Variants in PBX3 observed in about 807,000 individuals in gnomAD.
PBX3 encodes the protein pre-B-cell leukemia transcription factor 3.
A neutral mutation model predicts 48.5 loss-of-function variants in PBX3; 14 were observed. The ratio of observed to expected loss-of-function variants is 0.29; its 90% CI spans 0.19 to 0.45. The LOEUF (loss-of-function observed/expected upper bound fraction) is 0.45, where lower values mean the gene tolerates loss of function less well. Among genes scored for constraint, PBX3 ranks in the 20% least tolerant of loss-of-function variants. The pLI, the probability that PBX3 is intolerant of heterozygous loss-of-function variation, is 1.00. For synonymous variants in PBX3, 210 were observed against 200.3 expected, an observed-to-expected ratio of 1.05 and a Z score of -0.41; for missense variants, 386 against 546.7, an observed-to-expected ratio of 0.71 and a Z score of 2.93.
At chr9:125,843,836 C>A (rs1839353322) in intron 2 of PBX3, 1 of 455,534 alleles carries the variant, frequency 2.2e-6, no homozygotes. Flanking sequence ...AGCGAAAGTG[C>A]AGGCCTGCTG....
At chr9:125,810,663 G>C (rs1838263999) in intron 2 of PBX3, among the ~76,000 whole-genome samples, 1 of 152,086 alleles carries the variant, frequency 6.6e-6, no homozygotes, top group Admixed American at 6.6e-5. Context: ...TCTTACCATT[G>C]ATTCTATATC....
chr9:125,853,836 TTAAAA>T (rs1400849616), intron 2 of PBX3, among the ~76,000 whole-genome samples: 2 of 152,168 alleles, frequency 1.3e-5, no homozygotes, highest in Non-Finnish European at 2.9e-5. Flanking sequence ...AAAATAATTC[TTAAAA>T]TAAAACCCAA....
chr9:125,828,910 T>G (rs1217974451), intron 2 of PBX3, among the ~76,000 whole-genome samples: 1 of 152,234 alleles, frequency 6.6e-6, no homozygotes, highest in Non-Finnish European at 1.5e-5. Context: ...ACAGAACACA[T>G]GCTTCTGCAG....
intron 2 of PBX3, among the ~76,000 whole-genome samples, chr9:125,767,976 CG>C (rs61317693): frequency 0.039 from 5,911 of 151,300 alleles, 406 homozygotes; most frequent in African/African-American, 0.14. Flanking sequence ...GCCGGTGGGA[CG>C]GGGAGAGGGG....
At chr9:125,935,445 A>G in intron 4 of PBX3, 27 bp from the exon 5 acceptor site, 5 of 1,610,542 alleles carry the variant, frequency 3.1e-6, no homozygotes, top group Non-Finnish European at 4.2e-6. Flanking sequence ...TTGTAACTGC[A>G]ATTATTTTCT....
At chr9:125,776,662 T>C (rs1837079772) in intron 2 of PBX3, among the ~76,000 whole-genome samples, 1 of 152,088 alleles carries the variant, frequency 6.6e-6, no homozygotes, top group East Asian at 1.9e-4. Context: ...CAGCTTCCCC[T>C]CCTGAGTATC....
chr9:125,933,210 T>C (rs1243781963), intron 4 of PBX3, among the ~76,000 whole-genome samples: 1 of 152,258 alleles, frequency 6.6e-6, no homozygotes, highest in Admixed American at 6.5e-5. Flanking sequence ...TAGGCAAACA[T>C]GCTCAGTCAG....
chr9:125,762,385 T>C (rs976242893), intron 2 of PBX3, among the ~76,000 whole-genome samples: 4 of 152,214 alleles, frequency 2.6e-5, no homozygotes, highest in Non-Finnish European at 5.9e-5. Flanking sequence ...TCAAATTCTT[T>C]ACCTTTGAGT....
At chr9:125,889,022 C>A (rs559099832) in intron 2 of PBX3, among the ~76,000 whole-genome samples, 1 of 152,286 alleles carries the variant, frequency 6.6e-6, no homozygotes, top group African/African-American at 2.4e-5. Context: ...TAGGTATTCT[C>A]ACCCACAGCA....
intron 2 of PBX3, among the ~76,000 whole-genome samples, chr9:125,764,271 T>G (rs1481049924): frequency 6.6e-6 from 1 of 152,230 alleles, no homozygotes; most frequent in Non-Finnish European, 1.5e-5. Context: ...TAAAGATTCT[T>G]TATCCTACAA....
intron 2 of PBX3, among the ~76,000 whole-genome samples, chr9:125,773,273 G>A (rs907919549): frequency 3.3e-5 from 5 of 152,110 alleles, no homozygotes; most frequent in African/African-American, 9.7e-5. Flanking sequence ...AGGATTAGGC[G>A]ATTGGTTGGA....
intron 2 of PBX3, among the ~76,000 whole-genome samples, chr9:125,804,799 T>C (rs1208072133): frequency 6.9e-6 from 1 of 144,114 alleles, no homozygotes; most frequent in African/African-American, 2.5e-5. Flanking sequence ...TGCAAAAAAT[T>C]AGCTGGGCGG....
At chr9:125,840,569 AACT>A (rs1839261842) in intron 2 of PBX3, among the ~76,000 whole-genome samples, 1 of 151,792 alleles carries the variant, frequency 6.6e-6, no homozygotes. Flanking sequence ...TCCTTTAAAG[AACT>A]GGCCATTTTT....
intron 2 of PBX3, among the ~76,000 whole-genome samples, chr9:125,794,701 T>G (rs1315030595): frequency 5.0e-5 from 1 of 20,036 alleles, no homozygotes; most frequent in Non-Finnish European, 1.2e-4. Context: ...CTCATGGCTG[T>G]TTTTTTTTTT....
chr9:125,910,703 G>A (rs780742687), intron 2 of PBX3, among the ~76,000 whole-genome samples: 4 of 150,944 alleles, frequency 2.6e-5, no homozygotes, highest in Non-Finnish European at 5.9e-5. Context: ...TGGCTTAAAA[G>A]GAGATTTGGA....
chr9:125,786,749 G>A (rs1427525462), intron 2 of PBX3, among the ~76,000 whole-genome samples: 3 of 150,982 alleles, frequency 2.0e-5, no homozygotes, highest in Non-Finnish European at 2.9e-5. Context: ...TTTTGAGATG[G>A]AGTTTCGCTC....
intron 8 of PBX3, 101 bp from the exon 9 acceptor site, chr9:125,965,730 C>A: frequency 2.4e-6 from 2 of 835,434 alleles, no homozygotes; most frequent in Non-Finnish European, 4.1e-6. Context: ...ATACATTTTG[C>A]TAATGCATCT....
chr9:125,835,051 A>AAAAAAAAAAAAAAAAAAAAT (rs1564681272), intron 2 of PBX3, among the ~76,000 whole-genome samples: 1 of 108,002 alleles, frequency 9.3e-6, no homozygotes, highest in African/African-American at 3.8e-5. Context: ...AAAAAAAAAA[A>AAAAAAAAAAAAAAAAAAAAT]GGGCAAAAGA....
intron 5 of PBX3, among the ~76,000 whole-genome samples, chr9:125,941,825 T>C (rs1458287560): frequency 6.6e-6 from 1 of 152,218 alleles, no homozygotes; most frequent in Non-Finnish European, 1.5e-5. Context: ...TAATTTACAT[T>C]GATTATTCAA....
Sources: allele counts gnomAD v4.1 joint callset (sites outside exome capture counted in the v4.1 genomes callset), GRCh38; gene constraint gnomAD v4.1.1; transcripts MANE v1.5; gene names NCBI Gene and HGNC (gene_info 2026-07-23, HGNC 2026-07-21).